The following SF3B3 variants were observed in gnomAD, a reference collection of about 807,000 sequenced individuals.
SF3B3 encodes the protein splicing factor 3b subunit 3.
A neutral mutation model predicts 139.2 loss-of-function variants in SF3B3; 33 were observed. The ratio of observed to expected loss-of-function variants is 0.24; its 90% CI spans 0.18 to 0.32. The LOEUF (loss-of-function observed/expected upper bound fraction) is 0.32. Ranked by LOEUF, SF3B3 falls within the 10% of genes least tolerant of loss-of-function variation. The pLI, the probability that SF3B3 is intolerant of heterozygous loss-of-function variation, is 1.00. For missense variants in SF3B3, 818 were observed against 1,509.4 expected, an observed-to-expected ratio of 0.54 and a Z score of 7.59; for synonymous variants, 596 against 563.6, an observed-to-expected ratio of 1.06 and a Z score of -0.81.
At chr16:70,565,027 G>T (rs939531049) in intron 18 of SF3B3, 38 bp from the exon 19 acceptor site, 1 of 1,603,308 alleles carries the variant, frequency 6.2e-7, no homozygotes, top group Non-Finnish European at 8.5e-7. Context: ...CCCTACCTCT[G>T]AGCACGCCAA....
chr16:70,560,693 C>A (rs921868727), intron 16 of SF3B3, 102 bp downstream of exon 16: 1 of 1,345,236 alleles, frequency 7.4e-7, no homozygotes. Context: ...ATTTGCCACT[C>A]CATCTTGATT....
intron 2 of SF3B3, among the ~76,000 whole-genome samples, chr16:70,527,771 GTTTT>G (rs2050078457): frequency 6.7e-6 from 1 of 150,020 alleles, no homozygotes; most frequent in Non-Finnish European, 1.5e-5. Context: ...TGTTTGTTTT[GTTTT>G]TGTTTTTGTT....
intron 13 of SF3B3, 45 bp from the exon 14 acceptor site, chr16:70,556,134 C>T (rs2050377913): frequency 1.9e-6 from 3 of 1,605,516 alleles, no homozygotes; most frequent in East Asian, 2.2e-5. Flanking sequence ...GCATCTAGAC[C>T]CATCCCTCTG....
chr16:70,530,162 A>ATAAATAAATAAC (rs2050106971), intron 3 of SF3B3, among the ~76,000 whole-genome samples: 1 of 149,486 alleles, frequency 6.7e-6, no homozygotes, highest in African/African-American at 2.5e-5. Flanking sequence ...AAATAAATAA[A>ATAAATAAATAAC]TAAATAAATA....
At chr16:70,567,965 C>T (rs116830976) in intron 21 of SF3B3, among the ~76,000 whole-genome samples, 4,280 of 152,294 alleles carry the variant, frequency 0.028, 251 homozygotes, top group East Asian at 0.2. Flanking sequence ...GGTTTACAGG[C>T]GTGAGCCACC....
rs1271078034 is a variant in SF3B3 at position 70,576,515 on chromosome 16, G to A, written c.*4702G>A. The A allele has an allele frequency of 6.6e-6, 1 of 152,200 alleles. No homozygotes were observed. Among genetic ancestry groups the A allele is most frequent in the East Asian group, 1.9e-4 (1 of 5,194 alleles). The allele number at this position is 152,200 out of a possible 1,614,324, so 9.4% of individuals were successfully genotyped here. A position where few individuals can be genotyped will look rare whatever the true frequency, so the allele number is the denominator to read the frequency against. On this transcript the variant is annotated 3_prime_UTR_variant, in exon 26 of 26. Transcript: ENST00000302516. ...CATTTGGTAGCGTTTAGGCTTAGAA[G>A]TTACTAATTTGGAGCCGTGAGTATA... is the stretch of plus-strand genomic sequence containing the variant.
chr16:70,556,064 A>C (rs2050377315), intron 13 of SF3B3, 115 bp from the exon 14 acceptor site: 2 of 1,016,130 alleles, frequency 2.0e-6, no homozygotes, highest in South Asian at 1.5e-5. Context: ...GAGAGGAAGC[A>C]GAACAAAATA....
At position 70,538,038 on chromosome 16, in the gene SF3B3, T is replaced by C. The variant is rs199750026; in HGVS notation, c.826-285T>C. ...AATGATGACTCTTTAAAAAATTTCATGTCTCTTCTCTGACATTTTTCTCTG... is the reference window on the plus strand; with the variant it reads ...AATGATGACTCTTTAAAAAATTTCACGTCTCTTCTCTGACATTTTTCTCTG... On this transcript the variant is annotated intron_variant, in intron 6 of 25. Coordinates refer to ENST00000302516, the MANE Select transcript of SF3B3 (RefSeq NM_012426.5). The C allele has an allele frequency of 8.1e-4, 490 of 605,492 alleles. 2 individuals carry two copies. The highest frequency in any genetic ancestry group is 4.4e-3 in the Middle Eastern group (16 of 3,620). 37.5% of individuals were successfully genotyped at this position (605,492 alleles called of 1,614,324 possible). A position where few individuals can be genotyped will look rare whatever the true frequency, so the allele number is the denominator to read the frequency against.
Position 70,570,065 on chromosome 16 carries a change from G to A in SF3B3, c.3324G>A (p.Thr1108=), listed in dbSNP as rs1188658123. 9 of 1,614,078 alleles carry A rather than the reference G, an allele frequency of 5.6e-6. No individual in the cohort carries two copies. The highest frequency in any genetic ancestry group is 1.6e-4 in the Middle Eastern group (1 of 6,062). The change falls in exon 24 of 26, where the codon ACG becomes ACA. Residue 1108 remains threonine (T), a synonymous_variant. Transcript: ENST00000302516. ...GETVLSLQKT[T]LIPGGSESLV... is the part of the protein sequence containing the mutation. ...CGGTGCTGTCCTTGCAGAAGACCAC[G>A]CTGATCCCTGGAGGCTCAGAATCAC...
chr16:70,567,934 C>T (rs1161020412), intron 21 of SF3B3, among the ~76,000 whole-genome samples: 1 of 152,232 alleles, frequency 6.6e-6, no homozygotes, highest in Admixed American at 6.5e-5. Context: ...GATCTACCCG[C>T]CTTAGCCTCC....
chr16:70,528,657 G>A (rs1416497409), intron 2 of SF3B3, among the ~76,000 whole-genome samples: 1 of 151,866 alleles, frequency 6.6e-6, no homozygotes, highest in Non-Finnish European at 1.5e-5. Flanking sequence ...TTGCTCTGTT[G>A]CCCAGGCCGG....
chr16:70,548,049 G>A (rs2050285521), intron 10 of SF3B3, among the ~76,000 whole-genome samples: 1 of 152,300 alleles, frequency 6.6e-6, no homozygotes, highest in South Asian at 2.1e-4. Context: ...TAATTTAGAT[G>A]GCCTGATTGA....
At position 70,563,932 on chromosome 16, in the gene SF3B3, A is replaced by G. The variant is rs370975590; in HGVS notation, c.2345A>G (p.Gln782Arg). The change falls in exon 18 of 26, where the codon CAG (glutamine) becomes CGG (arginine). Residue 782 changes from glutamine (Q) to arginine (R), a missense_variant. Physicochemically the swap from Gln to Arg is conservative, Grantham distance 43 (BLOSUM62 1). Coordinates refer to ENST00000302516, the MANE Select transcript of SF3B3 (RefSeq NM_012426.5). ...TTCAATCAAGTAGCCTTCCCACTGC[A>G]GTACACACCCAGGAAATTTGTCATC... The part of the protein sequence containing the change: ...AVFNQVAFPL[Q>R]YTPRKFVIHP... 14 of 1,614,202 alleles carry G rather than the reference A, an allele frequency of 8.7e-6. No individual in the cohort carries two copies. The highest frequency in any genetic ancestry group is 1.2e-5 in the Non-Finnish European group (14 of 1,180,038).
chr16:70,537,526 A>G (rs983594544), intron 6 of SF3B3, among the ~76,000 whole-genome samples: 1 of 152,198 alleles, frequency 6.6e-6, no homozygotes, highest in African/African-American at 2.4e-5. Flanking sequence ...TTAAATATTT[A>G]TCTGTTCTGG....
intron 24 of SF3B3, 74 bp from the exon 25 acceptor site, chr16:70,571,021 T>C (rs2050523606): frequency 1.0e-6 from 1 of 962,490 alleles, no homozygotes; most frequent in East Asian, 2.4e-5. Flanking sequence ...GGCTTGTCTG[T>C]TCGTTGTGCT....
chr16:70,567,479 G>A lies in SF3B3; in HGVS notation c.2895G>A (p.Lys965=). The change falls in exon 21 of 26, where the codon AAG becomes AAA. Residue 965 remains lysine (K), a synonymous_variant. Coordinates refer to ENST00000302516, the MANE Select transcript of SF3B3 (RefSeq NM_012426.5). ...GGAGGGTGTTGATTGGTGTGGGGAA[G>A]CTGTTGCGTGTCTATGACCTGGGAA... ...FQGRVLIGVG[K]LLRVYDLGKK... 1 of 1,614,084 alleles carries A rather than the reference G, an allele frequency of 6.2e-7. No homozygotes were observed. Among genetic ancestry groups the A allele is most frequent in the Non-Finnish European group, 8.5e-7 (1 of 1,180,002 alleles).
At chr16:70,548,277 C>G in intron 10 of SF3B3, 93 bp from the exon 11 acceptor site, 1 of 1,012,836 alleles carries the variant, frequency 9.9e-7, no homozygotes, top group Non-Finnish European at 1.6e-6. Context: ...CGTTGTGAAC[C>G]CTGCCTTTGA....
chr16:70,525,540 G>C (rs751528628), intron 1 of SF3B3, among the ~76,000 whole-genome samples: 9 of 152,184 alleles, frequency 5.9e-5, no homozygotes, highest in Non-Finnish European at 1.0e-4. Context: ...CTTGCGGGGA[G>C]CTGTTCAGGG....
At chr16:70,567,954 G>A (rs752844927) in intron 21 of SF3B3, among the ~76,000 whole-genome samples, 10 of 152,182 alleles carry the variant, frequency 6.6e-5, no homozygotes, top group Admixed American at 3.9e-4. Flanking sequence ...CCAAAGTCCT[G>A]GGTTTACAGG....
Sources: allele counts gnomAD v4.1 joint callset (sites outside exome capture counted in the v4.1 genomes callset), GRCh38; gene constraint gnomAD v4.1.1; transcripts MANE v1.5; gene names NCBI Gene and HGNC (gene_info 2026-07-23, HGNC 2026-07-21).